The following PSMA8 variants were observed in gnomAD, a reference collection of about 807,000 sequenced individuals.
The protein encoded by PSMA8 is proteasome subunit alpha-type 8.
A neutral mutation model predicts 32.4 loss-of-function variants in PSMA8; 18 were observed. The ratio of observed to expected loss-of-function variants is 0.56; its 90% CI spans 0.38 to 0.82. PSMA8 has a LOEUF of 0.82. Among genes scored for constraint, PSMA8 ranks in the 40% least tolerant of loss-of-function variants. The pLI is 0.00. For synonymous variants in PSMA8, 104 were observed against 98.1 expected (o/e 1.06, Z -0.36); for missense variants, 298 against 300.7 (o/e 0.99, Z 0.07).
At chr18:26,163,154 A>G (rs113111287) in intron 4 of PSMA8, among the ~76,000 whole-genome samples, 5,271 of 147,742 alleles carry the variant, frequency 0.036, 347 homozygotes, top group African/African-American at 0.13. Context: ...AAGGGAGGAC[A>G]GACAATATAA....
At chr18:26,191,774 C>T (rs17189032) in intron 6 of PSMA8, among the ~76,000 whole-genome samples, 6,440 of 152,194 alleles carry the variant, frequency 0.042, 287 homozygotes, top group Admixed American at 0.13. Flanking sequence ...TGTCTTATAG[C>T]CGCAAGCATG....
At chr18:26,144,021 G>A (rs1462273914) in intron 1 of PSMA8, among the ~76,000 whole-genome samples, 1 of 152,090 alleles carries the variant, frequency 6.6e-6, no homozygotes, top group Non-Finnish European at 1.5e-5. Flanking sequence ...ACCGTGCCCA[G>A]CCTTATCATA....
chr18:26,140,223 A>C, intron 1 of PSMA8: 1 of 683,020 alleles, frequency 1.5e-6, no homozygotes, highest in African/African-American at 1.8e-5. Flanking sequence ...CGTGATGCCT[A>C]GGTCAGCAGG....
chr18:26,134,340 G>GTGTGTGTGTGTGTGTGTGTGTGT (rs2054891597), intron 1 of PSMA8, among the ~76,000 whole-genome samples: 3 of 135,108 alleles, frequency 2.2e-5, no homozygotes, highest in African/African-American at 1.0e-4. Context: ...TGTGTGTGTG[G>GTGTGTGTGTGTGTGTGTGTGTGT]GTGTGTGTGT....
chr18:26,155,615 C>A (rs1363316349), intron 3 of PSMA8, among the ~76,000 whole-genome samples: 8 of 152,108 alleles, frequency 5.3e-5, no homozygotes, highest in African/African-American at 1.7e-4. Flanking sequence ...TGAAATGAAA[C>A]CTCTGTCTCT....
At chr18:26,192,215 T>C in intron 6 of PSMA8, 104 bp from the exon 7 acceptor site, 1 of 1,002,380 alleles carries the variant, frequency 1.0e-6, no homozygotes, top group Non-Finnish European at 1.3e-6. Flanking sequence ...TATAAAGTTG[T>C]ACATAGAAAG....
intron 1 of PSMA8, among the ~76,000 whole-genome samples, chr18:26,143,926 TG>T (rs1485629827): frequency 3.3e-5 from 5 of 152,182 alleles, no homozygotes; most frequent in Non-Finnish European, 1.5e-5. Flanking sequence ...TTCACCATGT[TG>T]GCCAGGCTGG....
intron 4 of PSMA8, among the ~76,000 whole-genome samples, chr18:26,178,148 GC>G (rs2055278741): frequency 6.6e-6 from 1 of 152,090 alleles, no homozygotes; most frequent in Non-Finnish European, 1.5e-5. Context: ...AGCCCAGAAG[GC>G]CAAGGCTACA....
chr18:26,174,339 T>A (rs996434679), intron 4 of PSMA8, among the ~76,000 whole-genome samples: 3 of 152,226 alleles, frequency 2.0e-5, no homozygotes, highest in South Asian at 2.1e-4. Flanking sequence ...ACACATTTTT[T>A]AAAATATTCT....
At chr18:26,135,456 TA>T (rs370819294) in intron 1 of PSMA8, among the ~76,000 whole-genome samples, 26 of 148,584 alleles carry the variant, frequency 1.7e-4, no homozygotes, top group East Asian at 5.9e-4. Flanking sequence ...ATGTAAGTGG[TA>T]AAAAAAAAAC....
chr18:26,139,395 G>T (rs1273770191), intron 1 of PSMA8, among the ~76,000 whole-genome samples: 1 of 152,198 alleles, frequency 6.6e-6, no homozygotes, highest in Non-Finnish European at 1.5e-5. Flanking sequence ...GTTGAGCCTA[G>T]AGATGCATGC....
At position 26,137,220 on chromosome 18, in the gene PSMA8, G is replaced by A. The variant is rs188194077; in HGVS notation, c.102+3153G>A. Among the ~76,000 whole-genome samples, 4 of 152,324 alleles carry A rather than the reference G, an allele frequency of 2.6e-5. No individual in the cohort carries two copies. The East Asian group carries it at 7.7e-4, about 29-fold the overall frequency. ...TGCCTGTAATGCTAGCACTTTGGGA[G>A]GCTGAGGTGAGTGGATCACTGGAGG... is the stretch of plus-strand genomic sequence containing the variant. On this transcript the variant is annotated intron_variant, in intron 1 of 6. Coordinates refer to ENST00000415576, the MANE Select transcript of PSMA8 (RefSeq NM_001025096.2).
At chr18:26,184,026 GAT>G (rs1391112536) in intron 6 of PSMA8, among the ~76,000 whole-genome samples, 1 of 150,670 alleles carries the variant, frequency 6.6e-6, no homozygotes, top group Non-Finnish European at 1.5e-5. Flanking sequence ...TTCAAATTAA[GAT>G]ATGTTGATTT....
intron 4 of PSMA8, among the ~76,000 whole-genome samples, chr18:26,172,152 A>G (rs2055227390): frequency 6.6e-6 from 1 of 152,250 alleles, no homozygotes; most frequent in African/African-American, 2.4e-5. Flanking sequence ...CTTGTCTGAC[A>G]GCCCAAGGCA....
chr18:26,174,859 T>C (rs1241824401), intron 4 of PSMA8, among the ~76,000 whole-genome samples: 1 of 152,194 alleles, frequency 6.6e-6, no homozygotes, highest in Non-Finnish European at 1.5e-5. Flanking sequence ...TAAAAAGCAT[T>C]TAAATCTTCT....
rs114560773 is a variant in PSMA8, at chr18:26,159,979, G to A, written c.477+1735G>A. On this transcript the variant is annotated intron_variant, in intron 4 of 6. Transcript: ENST00000415576. ...ATGTATTTGGCAGCTGAGATTTAGG[G>A]GTTAAGTGATTTTTGTTGCTGTTGT... 1.6e-3 allele frequency among the ~76,000 whole-genome samples: 240 copies of A among 152,144 alleles called. 1 individual carries two copies. The highest frequency in any genetic ancestry group is 5.7e-3 in the African/African-American group (237 of 41,500).
At chr18:26,172,313 T>C (rs1013496747) in intron 4 of PSMA8, among the ~76,000 whole-genome samples, 6 of 152,242 alleles carry the variant, frequency 3.9e-5, no homozygotes, top group Admixed American at 2.0e-4. Context: ...GTAAATATTT[T>C]AGCCATGTAG....
intron 4 of PSMA8, among the ~76,000 whole-genome samples, chr18:26,162,022 TATTTAGAAAATTTTTG>T (rs2144313640): frequency 6.6e-6 from 1 of 152,334 alleles, no homozygotes; most frequent in Admixed American, 6.5e-5. Context: ...CTGAAGAAGA[TATTTAGAAAATTTTTG>T]ACAGATGAAA....
chr18:26,177,298 G>A (rs887897303), intron 4 of PSMA8, among the ~76,000 whole-genome samples: 3 of 152,160 alleles, frequency 2.0e-5, no homozygotes, highest in Admixed American at 2.0e-4. Context: ...TGTGGAGGCA[G>A]CTAAAAATCC....
Sources: gnomAD v4.1 joint callset for allele counts (sites outside exome capture counted in the v4.1 genomes callset) on GRCh38, gnomAD v4.1.1 for gene constraint, MANE v1.5 for transcripts, NCBI Gene and HGNC (gene_info 2026-07-23, HGNC 2026-07-21) for gene names.